Variants in TBC1D32 observed in about 807,000 individuals in gnomAD.
The protein encoded by TBC1D32 is protein broad-minded.
Under a neutral mutation model 170.3 loss-of-function variants are expected in TBC1D32, and 151 were observed. That is an observed-to-expected ratio of 0.89 (90% confidence interval 0.78 to 1.01). The LOEUF (loss-of-function observed/expected upper bound fraction) is 1.01. TBC1D32 is among the 50% of genes least tolerant of loss of function. TBC1D32 has a pLI of 0.00. For synonymous variants in TBC1D32, 498 were observed against 488.0 expected (o/e 1.02, Z -0.27); for missense variants, 1,464 against 1,457.1 (o/e 1.00, Z -0.08).
intron 22 of TBC1D32, among the ~76,000 whole-genome samples, chr6:121,177,378 T>C (rs1787916847): frequency 6.6e-6 from 1 of 152,168 alleles, no homozygotes; most frequent in Non-Finnish European, 1.5e-5. Context: ...GTAGGACGCT[T>C]GCTTCTCCTT....
intron 12 of TBC1D32, among the ~76,000 whole-genome samples, chr6:121,288,093 C>T (rs1002667157): frequency 6.6e-6 from 1 of 152,034 alleles, no homozygotes; most frequent in Non-Finnish European, 1.5e-5. Context: ...ATTAAAAGAA[C>T]TAGAGAAGCA....
rs1173371131 is a variant in TBC1D32, at chr6:121,292,075, A to G, written c.1350T>C (p.Pro450=). ...TACCTTTTTTATTCTTCAGCTTAAT[A>G]GGAAATAGTTTTCTGCCTTGTTTAT... is the stretch of plus-strand genomic sequence containing the variant. The part of the protein sequence containing the change: ...LIYKQGRKLF[P]IKLKNKKGLV... The change falls in exon 12 of 32, where the codon CCT becomes CCC. Residue 450 remains proline, a synonymous_variant. Coordinates refer to ENST00000398212, the MANE Select transcript of TBC1D32 (RefSeq NM_152730.6). 1.3e-6 allele frequency: 2 copies of G among 1,591,184 alleles called. No individual in the cohort carries two copies. The highest frequency in any genetic ancestry group is 4.5e-5 in the East Asian group (2 of 44,258).
At chr6:121,222,440 A>G (rs567236686) in intron 21 of TBC1D32, among the ~76,000 whole-genome samples, 1 of 152,340 alleles carries the variant, frequency 6.6e-6, no homozygotes, top group Admixed American at 6.5e-5. Flanking sequence ...AGTTAATGTT[A>G]AATGATAGAA....
chr6:121,139,235 C>G (rs12192398), intron 24 of TBC1D32, among the ~76,000 whole-genome samples: 59,252 of 152,080 alleles, frequency 0.39, 14,692 homozygotes, highest in Non-Finnish European at 0.56. Flanking sequence ...CTAAATTTTA[C>G]ATAATTCATC....
chr6:121,152,565 G>T (rs970671483), intron 24 of TBC1D32, among the ~76,000 whole-genome samples: 1 of 151,944 alleles, frequency 6.6e-6, no homozygotes, highest in African/African-American at 2.4e-5. Context: ...GTTGGGGAAG[G>T]GTTCTCCTCG....
intron 1 of TBC1D32, among the ~76,000 whole-genome samples, chr6:121,333,261 G>C (rs1811432593): frequency 6.6e-6 from 1 of 152,062 alleles, no homozygotes; most frequent in Non-Finnish European, 1.5e-5. Flanking sequence ...GAAGCACCTG[G>C]AGGTAGACTT....
At chr6:121,105,535 A>C (rs533248732) in intron 30 of TBC1D32, among the ~76,000 whole-genome samples, 1 of 151,982 alleles carries the variant, frequency 6.6e-6, no homozygotes, top group Non-Finnish European at 1.5e-5. Flanking sequence ...AGAAAGAAGG[A>C]TCTGTGGCTG....
chr6:121,301,398 G>A (rs1806456923), intron 9 of TBC1D32, among the ~76,000 whole-genome samples: 1 of 152,158 alleles, frequency 6.6e-6, no homozygotes, highest in Non-Finnish European at 1.5e-5. Flanking sequence ...GGACACGGAT[G>A]ATGCTGGAAA....
At chr6:121,252,195 C>G (rs968605071) in intron 17 of TBC1D32, among the ~76,000 whole-genome samples, 1 of 152,136 alleles carries the variant, frequency 6.6e-6, no homozygotes, top group African/African-American at 2.4e-5. Context: ...ACCAGAAATA[C>G]CATTTGACCC....
chr6:121,101,062 C>A (rs147339322), intron 30 of TBC1D32, among the ~76,000 whole-genome samples: 202 of 152,164 alleles, frequency 1.3e-3, no homozygotes, highest in African/African-American at 4.7e-3. Context: ...CTGAATCGAC[C>A]AATAACGGGC....
intron 10 of TBC1D32, among the ~76,000 whole-genome samples, chr6:121,297,521 T>C (rs1805841821): frequency 6.6e-6 from 1 of 152,068 alleles, no homozygotes; most frequent in South Asian, 2.1e-4. Flanking sequence ...TTCAAACTGT[T>C]AAAAATTAAA....
intron 9 of TBC1D32, among the ~76,000 whole-genome samples, chr6:121,300,285 A>G (rs1806266927): frequency 6.6e-6 from 1 of 151,960 alleles, no homozygotes; most frequent in Admixed American, 6.6e-5. Flanking sequence ...CCTCTCTACT[A>G]AAAATATAAG....
chr6:121,268,172 C>CT (rs200842597), intron 15 of TBC1D32, among the ~76,000 whole-genome samples: 4,991 of 152,114 alleles, frequency 0.033, 196 homozygotes, highest in East Asian at 0.12. Flanking sequence ...AGCAGAAAAG[C>CT]GAAAATTCTA....
At chr6:121,304,925 AAAATAAATAC>A in intron 5 of TBC1D32, 92 bp from the exon 6 acceptor site, 2 of 825,074 alleles carry the variant, frequency 2.4e-6, no homozygotes, top group Non-Finnish European at 3.9e-6. Flanking sequence ...CTCAGAAAAT[AAAATAAATAC>A]AAATAAACCA....
intron 20 of TBC1D32, among the ~76,000 whole-genome samples, chr6:121,232,496 T>C (rs1477225156): frequency 2.0e-5 from 3 of 152,172 alleles, no homozygotes; most frequent in Non-Finnish European, 4.4e-5. Flanking sequence ...GCATTGAATC[T>C]GTAAATTGCT....
chr6:121,139,553 A>G (rs1782538230), intron 24 of TBC1D32, among the ~76,000 whole-genome samples: 1 of 152,316 alleles, frequency 6.6e-6, no homozygotes, highest in South Asian at 2.1e-4. Flanking sequence ...TATATCCAAT[A>G]AGAACAAGAA....
chr6:121,185,658 A>T (rs1244811767), intron 22 of TBC1D32, among the ~76,000 whole-genome samples: 1 of 152,100 alleles, frequency 6.6e-6, no homozygotes, highest in Non-Finnish European at 1.5e-5. Context: ...TACATTAAAA[A>T]TGCCTTCTTA....
intron 20 of TBC1D32, among the ~76,000 whole-genome samples, chr6:121,230,872 C>T (rs1309590760): frequency 6.6e-6 from 1 of 151,910 alleles, no homozygotes; most frequent in Non-Finnish European, 1.5e-5. Context: ...ATTGCTGAGA[C>T]TCTGGTGCAC....
intron 21 of TBC1D32, among the ~76,000 whole-genome samples, chr6:121,214,508 C>CACTG (rs1793564404): frequency 6.6e-6 from 1 of 152,152 alleles, no homozygotes; most frequent in Admixed American, 6.5e-5. Flanking sequence ...CAGCTGCAGG[C>CACTG]ACTGGCATGG....
Sources: allele counts gnomAD v4.1 joint callset (sites outside exome capture counted in the v4.1 genomes callset), GRCh38; gene constraint gnomAD v4.1.1; transcripts MANE v1.5; gene names NCBI Gene and HGNC (gene_info 2026-07-23, HGNC 2026-07-21).